RTL4: variants seen among roughly 807,000 people sequenced by gnomAD.
The protein encoded by RTL4 is retrotransposon Gag-like protein 4.
Under a neutral mutation model 5.3 loss-of-function variants are expected in RTL4, and 4 were observed. That is an observed-to-expected ratio of 0.75 (90% CI 0.37 to 1.72). The LOEUF is 1.72. Ranked by LOEUF, RTL4 falls within the 40% of genes most tolerant of loss-of-function variation. RTL4 has a pLI of 0.04. For synonymous variants in RTL4, 98 were observed against 87.3 expected, an observed-to-expected ratio of 1.12 and a Z score of -0.68; for missense variants, 260 against 227.1, an observed-to-expected ratio of 1.14 and a Z score of -0.93.
At chrX:112,157,064 T>TTGTGTGTGTGTGTGTG in the RTL4 span, among the ~76,000 whole-genome samples, 1 of 96,583 alleles carries the variant, frequency 1.0e-5, no homozygotes, top group African/African-American at 3.8e-5. Flanking sequence ...GTTATACTGT[T>TTGTGTGTGTGTGTGTG]TGTGTGTGTG....
the RTL4 span, among the ~76,000 whole-genome samples, chrX:112,372,991 G>C: frequency 9.0e-6 from 1 of 111,162 alleles, no homozygotes; most frequent in Non-Finnish European, 1.9e-5. Flanking sequence ...CTCTCTGACA[G>C]GCTCAAGAAA....
At chrX:112,280,171 A>G in the RTL4 span, among the ~76,000 whole-genome samples, 1 of 111,818 alleles carries the variant, frequency 8.9e-6, no homozygotes, top group Non-Finnish European at 1.9e-5. Context: ...ATATATGCAT[A>G]AAAAGAATCA....
chrX:112,159,845 T>G, the RTL4 span, among the ~76,000 whole-genome samples: 63 of 110,716 alleles, frequency 5.7e-4, no homozygotes, highest in African/African-American at 1.9e-3. Flanking sequence ...CCCCTACACC[T>G]CTGTTTTTCT....
the RTL4 span, among the ~76,000 whole-genome samples, chrX:112,300,716 A>C: frequency 8.9e-6 from 1 of 112,493 alleles, no homozygotes; most frequent in African/African-American, 3.2e-5. Flanking sequence ...CAATACGACA[A>C]GATTAATTTT....
At chrX:112,352,809 A>G in the RTL4 span, among the ~76,000 whole-genome samples, 502 of 112,038 alleles carry the variant, frequency 4.5e-3, 4 homozygotes, top group African/African-American at 0.015. Context: ...AGCAATGGCA[A>G]CAAAAGACAA....
the RTL4 span, among the ~76,000 whole-genome samples, chrX:112,329,704 C>T: frequency 3.6e-5 from 4 of 109,973 alleles, no homozygotes; most frequent in Non-Finnish European, 7.6e-5. Context: ...GAGACACAAC[C>T]AAAAAAGAGA....
At chrX:112,320,199 G>A in the RTL4 span, 2 of 111,917 alleles carry the variant, frequency 1.8e-5, no homozygotes, top group African/African-American at 6.5e-5. Flanking sequence ...TGGTCTTGAT[G>A]CCTCCCCCTG....
chrX:112,130,832 C>T, the RTL4 span, among the ~76,000 whole-genome samples: 2 of 95,271 alleles, frequency 2.1e-5, no homozygotes, highest in Non-Finnish European at 4.0e-5. Flanking sequence ...CTCGCTCTGT[C>T]GCCCAGTCTG....
the RTL4 span, among the ~76,000 whole-genome samples, chrX:112,244,000 G>A: frequency 1.9e-3 from 208 of 112,059 alleles, no homozygotes; most frequent in African/African-American, 6.4e-3. Flanking sequence ...ATGTAATTGT[G>A]TGGTTTTGAG....
chrX:112,385,189 A>G, the RTL4 span, among the ~76,000 whole-genome samples: 2 of 111,140 alleles, frequency 1.8e-5, no homozygotes, highest in African/African-American at 6.5e-5. Context: ...CACAGAACAA[A>G]TATTTTAAAT....
At chrX:112,306,003 G>C in the RTL4 span, among the ~76,000 whole-genome samples, 3 of 111,447 alleles carry the variant, frequency 2.7e-5, no homozygotes, top group Admixed American at 2.9e-4. Flanking sequence ...GATCTGTCTA[G>C]TGGGATTGCT....
chrX:112,139,659 T>C, the RTL4 span, among the ~76,000 whole-genome samples: 3 of 112,479 alleles, frequency 2.7e-5, no homozygotes, highest in Admixed American at 1.9e-4. Flanking sequence ...CTCTCATTTC[T>C]TTATTTATTG....
At chrX:112,104,556 CTT>C in the RTL4 span, among the ~76,000 whole-genome samples, 5 of 111,640 alleles carry the variant, frequency 4.5e-5, no homozygotes, top group Non-Finnish European at 7.6e-5. Context: ...CTTGCCCACA[CTT>C]TTCACCTTTT....
At chrX:112,406,974 C>A in the RTL4 span, among the ~76,000 whole-genome samples, 1 of 109,692 alleles carries the variant, frequency 9.1e-6, no homozygotes, top group African/African-American at 3.3e-5. Flanking sequence ...ACTGAAGAGC[C>A]CTGTGTCCCT....
the RTL4 span, among the ~76,000 whole-genome samples, chrX:112,089,448 C>T: frequency 3.6e-5 from 4 of 110,909 alleles, no homozygotes; most frequent in African/African-American, 1.3e-4. Context: ...GGTCTAACTT[C>T]ATTCTTTGGT....
upstream of RTL4, among the ~76,000 whole-genome samples, chrX:112,451,947 A>G (rs1342316637): frequency 8.9e-6 from 1 of 112,019 alleles, no homozygotes; most frequent in African/African-American, 3.2e-5. Flanking sequence ...CACCGGCATC[A>G]GAAATCAACA....
chrX:112,192,116 A>G, the RTL4 span, among the ~76,000 whole-genome samples: 12 of 104,577 alleles, frequency 1.1e-4, no homozygotes, highest in African/African-American at 3.9e-4. Context: ...GTATCCTGCA[A>G]ATATGCTGCA....
the RTL4 span, among the ~76,000 whole-genome samples, chrX:112,145,859 A>G: frequency 9.0e-6 from 1 of 111,635 alleles, no homozygotes; most frequent in African/African-American, 3.3e-5. Flanking sequence ...TTCAAGGGAC[A>G]CACCCTCAAA....
At chrX:112,333,237 A>G in the RTL4 span, among the ~76,000 whole-genome samples, 1 of 111,019 alleles carries the variant, frequency 9.0e-6, no homozygotes, top group Non-Finnish European at 1.9e-5. Context: ...AGTGAGAGTA[A>G]ATGGGGAGAC....
Sources: allele counts gnomAD v4.1 joint callset (sites outside exome capture counted in the v4.1 genomes callset), GRCh38; gene constraint gnomAD v4.1.1; transcripts MANE v1.5; gene names NCBI Gene and HGNC (gene_info 2026-07-23, HGNC 2026-07-21).